The following ADM variants were observed in gnomAD, a reference collection of about 807,000 sequenced individuals.
ADM encodes the protein adrenomedullin.
ADM carries 4 observed loss-of-function variants against 9.0 expected under a neutral mutation model. The observed-to-expected ratio is 0.44, with a 90% CI of 0.22 to 1.02. ADM has a LOEUF of 1.02. Among genes scored for constraint, ADM ranks in the 50% least tolerant of loss-of-function variants. The pLI is 0.24. For synonymous variants in ADM, 107 were observed against 107.2 expected, an observed-to-expected ratio of 1.00 and a Z score of 0.01; for missense variants, 253 against 254.1, an observed-to-expected ratio of 1.00 and a Z score of 0.03.
chr11:10,305,343 G>A (rs34570663), intron 1 of ADM, 114 bp downstream of exon 1: 64 of 277,108 alleles, frequency 2.3e-4, no homozygotes, highest in African/African-American at 1.3e-3. Flanking sequence ...GGTTCTCTGA[G>A]AGATAGATAC....
chr11:10,306,613 C>T lies in ADM; in HGVS notation c.530C>T (p.Pro177Leu), dbSNP rs1235180995. The stretch of plus-strand genomic sequence containing the variant: ...CAAGCACACGGGGCTCCAGCCCCCC[C>T]GAGTGGAAGTGCTCCCCACTTTCTT... ...KPQAHGAPAP[P>L]SGSAPHFL Residue 177 changes from proline to leucine, a missense_variant, in exon 4 of 4, where the codon CCG (proline) becomes CTG (leucine). Pro to Leu is a moderately conservative substitution (Grantham distance 98). Coordinates refer to ENST00000278175, the MANE Select transcript of ADM (RefSeq NM_001124.3). 11 of 1,558,118 alleles carry T rather than the reference C, an allele frequency of 7.1e-6. No homozygotes were observed. The highest frequency in any genetic ancestry group is 9.5e-6 in the Non-Finnish European group (11 of 1,154,904).
chr11:10,306,337 C>G lies in ADM; in HGVS notation c.254C>G (p.Pro85Arg), dbSNP rs2228573. The part of the protein sequence containing the change: ...GASRSPEDSS[P>R]DAARIRVKRY... ...CCCCCTCCCCCCGCCCGCAGCAGTC[C>G]GGATGCCGCCCGCATCCGAGTCAAG... is the stretch of plus-strand genomic sequence containing the variant. Residue 85 changes from proline to arginine, a missense_variant, in exon 4 of 4, where the codon CCG becomes CGG. Physicochemically the swap from Pro to Arg is moderately radical, Grantham distance 103. Coordinates refer to ENST00000278175, the MANE Select transcript of ADM (RefSeq NM_001124.3). The G allele has an allele frequency of 9.8e-4, 1,571 of 1,603,588 alleles. 16 individuals carry two copies. The African/African-American group carries it at 0.019, about 19-fold the overall frequency.
chr11:10,305,807 G>C lies in ADM; in HGVS notation c.98+9G>C. The C allele has an allele frequency of 6.2e-7, 1 of 1,614,042 alleles. No individual in the cohort carries two copies. On this transcript the variant is annotated intron_variant, in intron 2 of 3. Transcript: ENST00000278175. The stretch of plus-strand genomic sequence containing the variant: ...TCGGAGTTTCGAAAGAAGTGAGTCC[G>C]GGCAGCGCCTTCCCCCTTGCTGGTA...
rs776425868 is a variant in ADM at position 10,305,979 on chromosome 11, G to A, written c.129G>A (p.Lys43=). ...KWNKWALSRG[K]RELRMSSSYP... ...ATAAGTGGGCTCTGAGTCGTGGGAAGAGGGAACTGCGGATGTCCAGCAGCT... is the reference window on the plus strand; with the variant it reads ...ATAAGTGGGCTCTGAGTCGTGGGAAAAGGGAACTGCGGATGTCCAGCAGCT... Residue 43 remains lysine, a synonymous_variant, in exon 3 of 4, where the codon AAG becomes AAA. Transcript: ENST00000278175. The A allele has an allele frequency of 4.3e-6, 7 of 1,614,020 alleles. No homozygotes were observed. The highest frequency in any genetic ancestry group is 5.1e-6 in the Non-Finnish European group (6 of 1,180,034).
At chr11:10,305,863 C>T in intron 2 of ADM, 65 bp downstream of exon 2, 2 of 1,612,024 alleles carry the variant, frequency 1.2e-6, no homozygotes, top group South Asian at 1.1e-5. Flanking sequence ...GACCGTTGGT[C>T]CCGAAGGTCT....
chr11:10,305,664 C>A lies in ADM; in HGVS notation c.-21-16C>A. 1 of 1,606,688 alleles carries A rather than the reference C, an allele frequency of 6.2e-7. No homozygotes were observed. Reference sequence around the variant, plus strand: ...GGCCCGGGTGCTCACGCTCGACTCTCTTTCTTCTTTTCCAGGGTCTGCGCT... The same window carrying A: ...GGCCCGGGTGCTCACGCTCGACTCTATTTCTTCTTTTCCAGGGTCTGCGCT... On this transcript the variant is annotated splice_polypyrimidine_tract_variant and intron_variant, in intron 1 of 3. Transcript: ENST00000278175.
chr11:10,307,196 G>T lies in ADM; in HGVS notation c.*555G>T, dbSNP rs35440828. The T allele has an allele frequency of 0.017, 1,976 of 116,952 alleles. 31 individuals are homozygous for T. The highest frequency in any genetic ancestry group is 0.028 in the Non-Finnish European group (1,385 of 49,176). 7.2% of individuals were successfully genotyped at this position (116,952 alleles called of 1,614,324 possible). On this transcript the variant is annotated 3_prime_UTR_variant, in exon 4 of 4. Transcript: ENST00000278175. This position sits in a 1 kb window ranked among gnomAD's most constrained non-coding sequence, Gnocchi z 4.5. ...AGGGCATTTTAAAAGCAATTATATT[G>T]TCCTCCCCTATTTTAAGACGTGAAT...
At position 10,305,609 on chromosome 11, in the gene ADM, C is replaced by A; in HGVS notation, c.-21-71C>A. 4 of 1,395,974 alleles carry A rather than the reference C, an allele frequency of 2.9e-6. No homozygotes were observed. The South Asian group carries it at 3.5e-5, about 12-fold the overall frequency. The allele number at this position is 1,395,974 out of a possible 1,614,324, so 86.5% of individuals were successfully genotyped here. On this transcript the variant is annotated intron_variant, in intron 1 of 3. Coordinates refer to ENST00000278175, the MANE Select transcript of ADM (RefSeq NM_001124.3). ...CCCGCCTCGCCGGGGCCCCTGCCCG[C>A]CCTCCGTGCCCCGCCCGGGCGGTGC...
Position 10,306,538 on chromosome 11 carries a change from G to A in ADM, c.455G>A (p.Arg152His), listed in dbSNP as rs1173372857. The A allele has an allele frequency of 6.2e-7, 1 of 1,607,984 alleles. No homozygotes were observed. The highest frequency in any genetic ancestry group is 8.5e-7 in the Non-Finnish European group (1 of 1,177,222). ...SPQGYGRRRR[R>H]SLPEAGPGRT... is the part of the protein sequence containing the mutation. ...CAGGGCTACGGCCGCCGGCGCCGGCGCTCCCTGCCCGAGGCCGGCCCGGGT... is the reference window on the plus strand; with the variant it reads ...CAGGGCTACGGCCGCCGGCGCCGGCACTCCCTGCCCGAGGCCGGCCCGGGT... Residue 152 changes from arginine (R) to histidine (H), a missense_variant, in exon 4 of 4, where the codon CGC becomes CAC. Coordinates refer to ENST00000278175, the MANE Select transcript of ADM (RefSeq NM_001124.3).
rs545190978 is a variant in ADM, at chr11:10,306,189, T to G, written c.248+91T>G. ...TCCACTCCCCTGGCCCGGGGGATCG[T>G]CGGGGCTGGACCGCAGCTCAGATGG... On this transcript the variant is annotated intron_variant, in intron 3 of 3. Coordinates refer to ENST00000278175, the MANE Select transcript of ADM (RefSeq NM_001124.3). 1,392 of 1,551,952 alleles carry G rather than the reference T, an allele frequency of 9.0e-4. 6 individuals are homozygous for G. In the Middle Eastern group the frequency reaches 0.017, roughly 19 times the overall value.
chr11:10,305,584 C>T, intron 1 of ADM, 96 bp from the exon 2 acceptor site: 3 of 1,054,198 alleles, frequency 2.8e-6, no homozygotes, highest in South Asian at 2.7e-5. Context: ...GCGGGCTAAA[C>T]CCGCCTCGCC....
At position 10,306,090 on chromosome 11, in the gene ADM, C is replaced by A. The variant is rs371567763; in HGVS notation, c.240C>A (p.Pro80=). The A allele has an allele frequency of 6.2e-7, 1 of 1,613,802 alleles. No individual in the cohort carries two copies. Among genetic ancestry groups the A allele is most frequent in the East Asian group, 2.2e-5 (1 of 44,862 alleles). The part of the protein sequence containing the change: ...PQDMKGASRS[P]EDSSPDAARI... ...ACATGAAGGGTGCCTCTCGAAGCCC[C>A]GAAGACAGGTAACTACGCCCTGTGC... Residue 80 remains proline, a synonymous_variant, in exon 3 of 4, where the codon CCC becomes CCA. Coordinates refer to ENST00000278175, the MANE Select transcript of ADM (RefSeq NM_001124.3).
chr11:10,305,518 A>G (rs1964643382), intron 1 of ADM, 162 bp from the exon 2 acceptor site: 4 of 616,868 alleles, frequency 6.5e-6, no homozygotes, highest in Non-Finnish European at 1.1e-5. Flanking sequence ...GGCGCGTGCA[A>G]ACGCCTCTGG....
At position 10,306,557 on chromosome 11, in the gene ADM, C is replaced by G; in HGVS notation, c.474C>G (p.Gly158=). ...GCCGGCGCTCCCTGCCCGAGGCCGG[C>G]CCGGGTCGGACTCTGGTGTCTTCTA... is the stretch of plus-strand genomic sequence containing the variant. ...RRRRRSLPEA[G]PGRTLVSSKP... Residue 158 remains glycine (G), a synonymous_variant, in exon 4 of 4, where the codon GGC becomes GGG. Transcript: ENST00000278175. The G allele has an allele frequency of 2.5e-6, 4 of 1,612,076 alleles. No individual in the cohort carries two copies. Among genetic ancestry groups the G allele is most frequent in the Non-Finnish European group, 3.4e-6 (4 of 1,179,328 alleles).
rs770217561 is a variant in ADM at position 10,306,415 on chromosome 11, G to T, written c.332G>T (p.Arg111Leu). 21 of 1,612,874 alleles carry T rather than the reference G, an allele frequency of 1.3e-5. No individual in the cohort carries two copies. The highest frequency in any genetic ancestry group is 5.9e-6 in the Non-Finnish European group (7 of 1,179,850). ...NFQGLRSFGCRFGTCTVQKLA... is the reference protein window; with the variant it reads ...NFQGLRSFGCLFGTCTVQKLA... ...CAGGGCCTCCGGAGCTTTGGCTGCC[G>T]CTTCGGGACGTGCACGGTGCAGAAG... Residue 111 changes from arginine to leucine, a missense_variant, in exon 4 of 4, where the codon CGC (arginine) becomes CTC (leucine). Physicochemically the swap from Arg to Leu is moderately radical, Grantham distance 102. Transcript: ENST00000278175.
intron 1 of ADM, 128 bp downstream of exon 1, chr11:10,305,357 C>T (rs1455677473): frequency 6.0e-6 from 2 of 332,560 alleles, no homozygotes; most frequent in Admixed American, 4.4e-5. Context: ...TAGATACACC[C>T]CATATCCTGG....
At position 10,305,697 on chromosome 11, in the gene ADM, C is replaced by T. The variant is rs761472740; in HGVS notation, c.-4C>T. On this transcript the variant is annotated 5_prime_UTR_variant, in exon 2 of 4. Transcript: ENST00000278175. The stretch of plus-strand genomic sequence containing the variant: ...TTTTCCAGGGTCTGCGCTTCGCAGC[C>T]GGGATGAAGCTGGTTTCCGTCGCCC... The T allele has an allele frequency of 1.9e-6, 3 of 1,613,534 alleles. No homozygotes were observed. The highest frequency in any genetic ancestry group is 1.7e-5 in the Admixed American group (1 of 60,012).
intron 1 of ADM, 56 bp from the exon 2 acceptor site, chr11:10,305,624 C>T: frequency 1.3e-6 from 2 of 1,511,278 alleles, no homozygotes; most frequent in East Asian, 4.6e-5. Context: ...CGTGCCCCGC[C>T]CGGGCGGTGC....
Position 10,305,768 on chromosome 11 carries a change from G to A in ADM, c.68G>A (p.Arg23Gln), listed in dbSNP as rs1466904863. ...SLAFLGADTA[R>Q]LDVASEFRKK... The stretch of plus-strand genomic sequence containing the variant: ...GCCTTCCTAGGCGCTGACACCGCTC[G>A]GTTGGATGTCGCGTCGGAGTTTCGA... Residue 23 changes from arginine to glutamine, a missense_variant, in exon 2 of 4, where the codon CGG becomes CAG. By Grantham distance (43) the Arg-to-Gln change is conservative (BLOSUM62 1). Coordinates refer to ENST00000278175, the MANE Select transcript of ADM (RefSeq NM_001124.3). 1.2e-6 allele frequency: 2 copies of A among 1,614,170 alleles called. No individual in the cohort carries two copies. The highest frequency in any genetic ancestry group is 1.7e-6 in the Non-Finnish European group (2 of 1,180,024).
Sources: allele counts gnomAD v4.1 joint callset, GRCh38; gene constraint gnomAD v4.1.1; non-coding constraint Gnocchi (gnomAD v3.1); transcripts MANE v1.5; gene names NCBI Gene and HGNC (gene_info 2026-07-23, HGNC 2026-07-21).